MAP1B: variants seen among roughly 807,000 people sequenced by gnomAD.
The protein encoded by MAP1B is microtubule-associated protein 1B.
MAP1B carries 12 observed loss-of-function variants against 176.1 expected under a neutral mutation model. The observed-to-expected ratio is 0.07, with a 90% confidence interval of 0.04 to 0.11. The LOEUF (loss-of-function observed/expected upper bound fraction) is 0.11, where lower values mean the gene tolerates loss of function less well. Ranked by LOEUF, MAP1B falls within the 10% of genes least tolerant of loss-of-function variation. The probability of loss-of-function intolerance (pLI) is 1.00; values close to 1 mark genes in which losing one functional copy is unlikely to be tolerated. For missense variants in MAP1B, 2,523 were observed against 2,990.5 expected (o/e 0.84, Z 3.65); for synonymous variants, 1,044 against 1,135.0 (o/e 0.92, Z 1.61).
chr5:72,171,630 G>A (rs1171739821), intron 2 of MAP1B, among the ~76,000 whole-genome samples: 2 of 152,150 alleles, frequency 1.3e-5, no homozygotes, highest in African/African-American at 4.8e-5. Context: ...ACGTGTTTGG[G>A]ATTCAATCAA....
At position 72,194,757 on chromosome 5, in the gene MAP1B, TC is replaced by T; in HGVS notation, c.1403del (p.Ser468Ter). ...AGATCTCCCGATTTCCTACTTAACT[TC>T]AGTCTCATCTTTGATTGTGTGGCAT... ...EVDLPISYLT[S>X]VSSLIVWHPA... On this transcript the variant is annotated frameshift_variant, in exon 5 of 7. Transcript: ENST00000296755. LOFTEE classifies it high-confidence loss of function. The surrounding 1 kb of genome is among the most constrained non-coding windows in gnomAD (Gnocchi z 7.2). 1 of 1,614,184 alleles carries T rather than the reference TC, an allele frequency of 6.2e-7. No individual in the cohort carries two copies. Among genetic ancestry groups the T allele is most frequent in the Non-Finnish European group, 8.5e-7 (1 of 1,180,040 alleles).
In MAP1B at chr5:72,203,745, C is replaced by T. The variant is rs201738576; in HGVS notation, c.7195C>T (p.Arg2399Trp). 92 of 1,613,550 alleles carry T rather than the reference C, an allele frequency of 5.7e-5. No individual in the cohort carries two copies. Among genetic ancestry groups the T allele is most frequent in the Non-Finnish European group, 7.5e-5 (89 of 1,180,006 alleles). The change falls in exon 6 of 7, where the codon CGG (arginine) becomes TGG (tryptophan). Residue 2399 changes from arginine to tryptophan, a missense_variant. This residue lies in a region of MAP1B where 287 missense variants were observed against 401.5 expected (regional missense o/e 0.71). Coordinates refer to ENST00000296755, the MANE Select transcript of MAP1B (RefSeq NM_005909.5). ...GNDPAAEEPSRAVLDALLEGK... is the reference protein window; with the variant it reads ...GNDPAAEEPSWAVLDALLEGK... ...TGACCCTGCTGCTGAGGAGCCCAGC[C>T]GGGCTGTCCTGGACGCTTTGTTGGA...
At position 72,142,995 on chromosome 5, in the gene MAP1B, A is replaced by C. The variant is rs1032910988; in HGVS notation, c.286+27196A>C. Among the ~76,000 whole-genome samples, 4 of 152,318 alleles carry C rather than the reference A, an allele frequency of 2.6e-5. No homozygotes were observed. The East Asian group carries it at 7.7e-4, about 29-fold the overall frequency. ...ATTTTCTAGTTGTTGTGTGAAATCCATAGTGAAAAGTCTGATTGCATAGGT... is the reference window on the plus strand; with the variant it reads ...ATTTTCTAGTTGTTGTGTGAAATCCCTAGTGAAAAGTCTGATTGCATAGGT... On this transcript the variant is annotated intron_variant, in intron 2 of 6. Coordinates refer to ENST00000296755, the MANE Select transcript of MAP1B (RefSeq NM_005909.5).
Position 72,205,199 on chromosome 5 carries a change from T to C in MAP1B, c.7367T>C (p.Met2456Thr). The C allele has an allele frequency of 6.2e-7, 1 of 1,614,082 alleles. No individual in the cohort carries two copies. The change falls in exon 7 of 7, where the codon ATG becomes ACG. Residue 2456 changes from methionine to threonine, a missense_variant. By Grantham distance (81) the Met-to-Thr change is moderately conservative. Around this residue, in one of 4 missense-constraint regions of MAP1B, gnomAD observed 4 missense variants for 24.6 expected, o/e 0.16. Transcript: ENST00000296755. ...TTAGCAAGCAGCAGCACAGTGGTTATGCAAGATGAATCCTTCCCTGCATGC... is the reference window on the plus strand; with the variant it reads ...TTAGCAAGCAGCAGCACAGTGGTTACGCAAGATGAATCCTTCCCTGCATGC... ...MVLASSSTVV[M>T]QDESFPACKI...
Position 72,208,351 on chromosome 5 carries a change from ACT to A in MAP1B, c.*3115_*3116del, listed in dbSNP as rs934842820. The A allele has an allele frequency of 6.6e-6, 1 of 152,038 alleles. No individual in the cohort carries two copies. Among genetic ancestry groups the A allele is most frequent in the Non-Finnish European group, 1.5e-5 (1 of 67,984 alleles). 9.4% of individuals were successfully genotyped at this position (152,038 alleles called of 1,614,324 possible). On this transcript the variant is annotated 3_prime_UTR_variant, in exon 7 of 7. Transcript: ENST00000296755. ...GAATATTTGAGTGGAAGGAATTTAC[ACT>A]CTGTTTAAATGATGGGATTCTATCG... is the stretch of plus-strand genomic sequence containing the variant.
chr5:72,199,398 A>G lies in MAP1B; in HGVS notation c.6043A>G (p.Thr2015Ala). The change falls in exon 5 of 7, where the codon ACC becomes GCC. Residue 2015 changes from threonine (T) to alanine (A), a missense_variant. Physicochemically the swap from Thr to Ala is moderately conservative, Grantham distance 58 (BLOSUM62 0). Transcript: ENST00000296755. This position sits in a 1 kb window ranked among gnomAD's most constrained non-coding sequence, Gnocchi z 4.2. Reference sequence around the variant, plus strand: ...CTCTTATGAAACCACTGAGAAAATTACCAGTTTCCCTGAGTCTGAAGGTTA... The same window carrying G: ...CTCTTATGAAACCACTGAGAAAATTGCCAGTTTCCCTGAGTCTGAAGGTTA... ...SYSYETTEKITSFPESEGYSY... is the reference protein window; with the variant it reads ...SYSYETTEKIASFPESEGYSY... The G allele has an allele frequency of 6.2e-7, 1 of 1,614,154 alleles. No individual in the cohort carries two copies. Among genetic ancestry groups the G allele is most frequent in the Non-Finnish European group, 8.5e-7 (1 of 1,180,014 alleles).
intron 4 of MAP1B, among the ~76,000 whole-genome samples, chr5:72,190,372 G>A (rs1747000788): frequency 6.6e-6 from 1 of 152,190 alleles, no homozygotes; most frequent in Non-Finnish European, 1.5e-5. Context: ...TTGGCTTCAT[G>A]ATAAATCCAT....
At chr5:72,126,682 G>T (rs1276439795) in intron 2 of MAP1B, among the ~76,000 whole-genome samples, 1 of 152,170 alleles carries the variant, frequency 6.6e-6, no homozygotes, top group Non-Finnish European at 1.5e-5. Flanking sequence ...ACTTCATTCA[G>T]CTTACAATGG....
intron 2 of MAP1B, among the ~76,000 whole-genome samples, chr5:72,175,143 C>T (rs1202690485): frequency 6.6e-6 from 1 of 150,392 alleles, no homozygotes; most frequent in Non-Finnish European, 1.5e-5. Context: ...CGGCTCACTA[C>T]AGCCTCAACC....
intron 4 of MAP1B, chr5:72,193,270 C>T (rs1201052260): frequency 9.5e-6 from 4 of 421,642 alleles, no homozygotes; most frequent in Non-Finnish European, 1.9e-5. Context: ...TTCTTTTTTA[C>T]ATGCCAGATC....
chr5:72,183,856 C>G, intron 3 of MAP1B, 31 bp downstream of exon 3: 4 of 1,594,790 alleles, frequency 2.5e-6, no homozygotes, highest in Non-Finnish European at 3.4e-6. Context: ...AATCTGGGGC[C>G]GGGCCCCACA....
rs956442305 is a variant in MAP1B, at chr5:72,195,208, C to T, written c.1853C>T (p.Ala618Val). The change falls in exon 5 of 7, where the codon GCC (alanine) becomes GTC (valine). Residue 618 changes from alanine to valine, a missense_variant. Ala to Val is a moderately conservative substitution (Grantham distance 64). Around this residue, in one of 4 missense-constraint regions of MAP1B, gnomAD observed 1,925 missense variants for 2,126.0 expected, o/e 0.91. Transcript: ENST00000296755. ...PSKEEPSPVK[A>V]EVAEKQATDV... Reference sequence around the variant, plus strand: ...AAAGAAGAGCCATCTCCAGTGAAAGCCGAGGTGGCTGAGAAGCAAGCCACA... The same window carrying T: ...AAAGAAGAGCCATCTCCAGTGAAAGTCGAGGTGGCTGAGAAGCAAGCCACA... 3.1e-6 allele frequency: 5 copies of T among 1,613,806 alleles called. No individual in the cohort carries two copies. The highest frequency in any genetic ancestry group is 4.2e-6 in the Non-Finnish European group (5 of 1,180,000).
rs564543921 is a variant in MAP1B at position 72,207,962 on chromosome 5, C to CTTTTTTTTT, written c.*2736_*2744dup. On this transcript the variant is annotated 3_prime_UTR_variant, in exon 7 of 7. Coordinates refer to ENST00000296755, the MANE Select transcript of MAP1B (RefSeq NM_005909.5). ...CTCCTCACTTTCTCTCTCTCTCTCTCTTTTTTTTTTTTTTTTTTTTTGCTA... is the reference window on the plus strand; with the variant it reads ...CTCCTCACTTTCTCTCTCTCTCTCTCTTTTTTTTTTTTTTTTTTTTTTTTTTTTTTGCTA... 4 of 116,002 alleles carry CTTTTTTTTT rather than the reference C, an allele frequency of 3.4e-5. No homozygotes were observed. Among genetic ancestry groups the CTTTTTTTTT allele is most frequent in the South Asian group, 2.9e-4 (1 of 3,432 alleles). 7.2% of individuals were successfully genotyped at this position (116,002 alleles called of 1,614,324 possible).
At chr5:72,127,902 A>C (rs561259492) in intron 2 of MAP1B, among the ~76,000 whole-genome samples, 18 of 152,380 alleles carry the variant, frequency 1.2e-4, no homozygotes, top group Admixed American at 2.0e-4. Flanking sequence ...AACCAAATTT[A>C]TACATTAGCC....
In MAP1B at chr5:72,196,250, C is replaced by T. The variant is rs193173542; in HGVS notation, c.2895C>T (p.Ser965=). The change falls in exon 5 of 7, where the codon AGC becomes AGT. Residue 965 remains serine (S), a synonymous_variant. Transcript: ENST00000296755. This position sits in a 1 kb window ranked among gnomAD's most constrained non-coding sequence, Gnocchi z 5.3. ...ATGGGGAGGAACACGTATGTGTGAG[C>T]GCCTCCAAGCACAGCCCCACTGAGG... ...EEDGEEHVCV[S]ASKHSPTEDE... 384 of 1,613,706 alleles carry T rather than the reference C, an allele frequency of 2.4e-4. 1 individual carries two copies. The highest frequency in any genetic ancestry group is 4.0e-4 in the South Asian group (36 of 91,030).
intron 2 of MAP1B, among the ~76,000 whole-genome samples, chr5:72,155,831 A>G (rs1746221492): frequency 6.7e-6 from 1 of 148,496 alleles, no homozygotes. Context: ...CAGTGGCGCA[A>G]TCTCATCTTA....
At chr5:72,171,478 A>G (rs1021990944) in intron 2 of MAP1B, among the ~76,000 whole-genome samples, 33 of 152,066 alleles carry the variant, frequency 2.2e-4, no homozygotes, top group African/African-American at 8.0e-4. Flanking sequence ...AGTGTTAGCT[A>G]CTTGGGGATG....
At chr5:72,173,249 C>T (rs1157244674) in intron 2 of MAP1B, among the ~76,000 whole-genome samples, 2 of 152,176 alleles carry the variant, frequency 1.3e-5, no homozygotes, top group African/African-American at 4.8e-5. Flanking sequence ...GTGTATCAGA[C>T]CCTCCTTATG....
chr5:72,155,766 CTTTTTTT>C (rs11330287), intron 2 of MAP1B, among the ~76,000 whole-genome samples: 10 of 126,570 alleles, frequency 7.9e-5, no homozygotes, highest in African/African-American at 5.9e-5. Flanking sequence ...ATTTTCTTTT[CTTTTTTT>C]TTTTTTTTTT....
Sources: allele counts gnomAD v4.1 joint callset (sites outside exome capture counted in the v4.1 genomes callset), GRCh38; gene constraint gnomAD v4.1.1; regional missense constraint gnomAD v4.1.1; non-coding constraint Gnocchi (gnomAD v3.1); transcripts MANE v1.5; gene names NCBI Gene and HGNC (gene_info 2026-07-23, HGNC 2026-07-21).